Variants in COL5A2 observed in about 807,000 individuals in gnomAD.
COL5A2 encodes collagen alpha-2(V) chain.
In COL5A2, 23 loss-of-function variants were observed where a neutral mutation model predicts 208.2. The ratio of observed to expected loss-of-function variants is 0.11; its 90% confidence interval spans 0.08 to 0.16. The LOEUF (loss-of-function observed/expected upper bound fraction) is 0.16, where lower values mean the gene tolerates loss of function less well. Ranked by LOEUF, COL5A2 falls within the 10% of genes least tolerant of loss-of-function variation. COL5A2 has a pLI of 1.00. For missense variants in COL5A2, 1,590 were observed against 1,956.4 expected (o/e 0.81, Z 3.53); for synonymous variants, 625 against 628.5 (o/e 0.99, Z 0.08).
the COL5A2 span, among the ~76,000 whole-genome samples, chr2:189,303,952 G>A: frequency 1.3e-5 from 2 of 152,028 alleles, no homozygotes; most frequent in Non-Finnish European, 2.9e-5. Context: ...TTTGGCTGAC[G>A]TTTTTCTTTT....
intron 15 of COL5A2, among the ~76,000 whole-genome samples, 199 bp from the exon 16 acceptor site, chr2:189,078,768 C>G (rs1043661964): frequency 6.6e-6 from 1 of 152,092 alleles, no homozygotes; most frequent in Admixed American, 6.6e-5. Flanking sequence ...ATAGATTTCA[C>G]TTAACCTGGC....
the COL5A2 span, among the ~76,000 whole-genome samples, chr2:189,432,328 A>C: frequency 3.3e-5 from 5 of 152,204 alleles, no homozygotes; most frequent in Non-Finnish European, 7.3e-5. Flanking sequence ...TTCACACATA[A>C]TTATATTAAC....
the COL5A2 span, among the ~76,000 whole-genome samples, chr2:189,315,450 T>C: frequency 6.6e-6 from 1 of 152,134 alleles, no homozygotes; most frequent in South Asian, 2.1e-4. Flanking sequence ...ATAAGAACCA[T>C]ATATGACAAA....
At chr2:189,275,697 C>T in the COL5A2 span, among the ~76,000 whole-genome samples, 3 of 152,036 alleles carry the variant, frequency 2.0e-5, no homozygotes, top group East Asian at 3.9e-4. Flanking sequence ...GTGATCTGCC[C>T]GCCTCAGCCT....
At chr2:189,295,587 C>G in the COL5A2 span, among the ~76,000 whole-genome samples, 1 of 152,132 alleles carries the variant, frequency 6.6e-6, no homozygotes, top group African/African-American at 2.4e-5. Flanking sequence ...TGCACTCCAG[C>G]CTGGGTGACC....
At chr2:189,386,026 G>T in the COL5A2 span, among the ~76,000 whole-genome samples, 1 of 152,108 alleles carries the variant, frequency 6.6e-6, no homozygotes, top group South Asian at 2.1e-4. Context: ...GAGAGCTTGT[G>T]CAGGGGAACT....
At chr2:189,078,481 A>C in intron 16 of COL5A2, 35 bp downstream of exon 16, 1 of 1,529,952 alleles carries the variant, frequency 6.5e-7, no homozygotes, top group South Asian at 1.1e-5. Flanking sequence ...TGAAATACAC[A>C]TCTCAGCAGT....
the COL5A2 span, among the ~76,000 whole-genome samples, chr2:189,329,525 G>A: frequency 1.3e-5 from 2 of 152,094 alleles, no homozygotes; most frequent in African/African-American, 2.4e-5. Context: ...TTGCTAATTA[G>A]CTTGATTTTG....
chr2:189,139,096 C>T (rs748922091), intron 1 of COL5A2, among the ~76,000 whole-genome samples: 1 of 151,998 alleles, frequency 6.6e-6, no homozygotes, highest in African/African-American at 2.4e-5. Flanking sequence ...AGGACAAATA[C>T]CACCCCAGAC....
chr2:189,161,924 T>C (rs1447310087), intron 1 of COL5A2, among the ~76,000 whole-genome samples: 1 of 152,048 alleles, frequency 6.6e-6, no homozygotes, highest in Admixed American at 6.6e-5. Context: ...TTCAAAAAGG[T>C]TTCAAAGAGG....
chr2:189,320,050 A>T, the COL5A2 span, among the ~76,000 whole-genome samples: 1 of 152,232 alleles, frequency 6.6e-6, no homozygotes, highest in Non-Finnish European at 1.5e-5. Flanking sequence ...TATCCAGGCA[A>T]ACAGGGTCTG....
At chr2:189,252,326 G>C in the COL5A2 span, among the ~76,000 whole-genome samples, 1 of 152,036 alleles carries the variant, frequency 6.6e-6, no homozygotes, top group South Asian at 2.1e-4. Flanking sequence ...TGTTTATTGC[G>C]GCACTATTCA....
At chr2:189,040,335 CT>C (rs34847104) in intron 50 of COL5A2, among the ~76,000 whole-genome samples, 2,681 of 138,200 alleles carry the variant, frequency 0.019, 68 homozygotes, top group African/African-American at 0.065. Flanking sequence ...GCCCTCCTGC[CT>C]TTTTTTTTTT....
chr2:189,168,301 C>T (rs1181046586), intron 1 of COL5A2, among the ~76,000 whole-genome samples: 2 of 151,444 alleles, frequency 1.3e-5, no homozygotes, highest in Admixed American at 6.6e-5. Flanking sequence ...GGTCAGTGCC[C>T]TCTGTCCTCT....
chr2:189,205,033 A>G (rs1042941223), intron 1 of COL5A2, among the ~76,000 whole-genome samples: 1 of 152,190 alleles, frequency 6.6e-6, no homozygotes, highest in African/African-American at 2.4e-5. Flanking sequence ...TATCCTAACA[A>G]CAGTGACACT....
chr2:189,112,478 T>TA (rs1202056426), intron 1 of COL5A2, among the ~76,000 whole-genome samples: 1 of 152,206 alleles, frequency 6.6e-6, no homozygotes, highest in Non-Finnish European at 1.5e-5. Flanking sequence ...AAAGCTGGAA[T>TA]AAAAACATTT....
At chr2:189,060,121 T>C (rs1044338040) in intron 31 of COL5A2, among the ~76,000 whole-genome samples, 1 of 152,194 alleles carries the variant, frequency 6.6e-6, no homozygotes, top group African/African-American at 2.4e-5. Context: ...TATTACTTTG[T>C]CTGGAAAACC....
the COL5A2 span, among the ~76,000 whole-genome samples, chr2:189,285,472 T>G: frequency 1.6e-3 from 250 of 152,280 alleles, 1 homozygote; most frequent in African/African-American, 5.6e-3. Context: ...CCATCTGTAT[T>G]ATTTCATTGG....
At chr2:189,268,445 A>G in the COL5A2 span, among the ~76,000 whole-genome samples, 1 of 152,152 alleles carries the variant, frequency 6.6e-6, no homozygotes, top group Non-Finnish European at 1.5e-5. Context: ...TCTATTCAGC[A>G]TACTCTTCCC....
Sources: allele counts gnomAD v4.1 joint callset (sites outside exome capture counted in the v4.1 genomes callset), GRCh38; gene constraint gnomAD v4.1.1; transcripts MANE v1.5; gene names NCBI Gene and HGNC (gene_info 2026-07-23, HGNC 2026-07-21).